Variants in VPS13B observed in about 807,000 individuals in gnomAD.
VPS13B encodes intermembrane lipid transfer protein VPS13B.
VPS13B carries 285 observed loss-of-function variants against 426.4 expected under a neutral mutation model. The observed-to-expected ratio is 0.67, with a 90% confidence interval of 0.61 to 0.74. The LOEUF (loss-of-function observed/expected upper bound fraction) is 0.74, where lower values mean the gene tolerates loss of function less well. Among genes scored for constraint, VPS13B ranks in the 30% least tolerant of loss-of-function variants. VPS13B has a pLI of 0.00. For synonymous variants in VPS13B, 1,676 were observed against 1,676.4 expected, an observed-to-expected ratio of 1.00 and a Z score of 0.01; for missense variants, 4,537 against 4,782.6, an observed-to-expected ratio of 0.95 and a Z score of 1.51.
chr8:99,717,508 C>T, intron 37 of VPS13B, 135 bp downstream of exon 37: 3 of 821,696 alleles, frequency 3.7e-6, no homozygotes, highest in South Asian at 1.5e-5. Flanking sequence ...GTTAAATTTT[C>T]AACAACTTTA....
At chr8:99,334,408 G>A (rs1301925149) in intron 19 of VPS13B, among the ~76,000 whole-genome samples, 1 of 152,090 alleles carries the variant, frequency 6.6e-6, no homozygotes, top group Admixed American at 6.6e-5. Context: ...GGAGTGGTGA[G>A]AGAGGGCATC....
At chr8:99,200,148 C>A (rs1446357073) in intron 17 of VPS13B, among the ~76,000 whole-genome samples, 1 of 152,124 alleles carries the variant, frequency 6.6e-6, no homozygotes, top group Non-Finnish European at 1.5e-5. Context: ...ACATAAAATG[C>A]AGTTCTTTGT....
intron 59 of VPS13B, 53 bp from the exon 60 acceptor site, chr8:99,870,732 A>G (rs967967117): frequency 4.0e-5 from 61 of 1,531,512 alleles, no homozygotes; most frequent in Non-Finnish European, 5.3e-5. Flanking sequence ...TTGCAGCATG[A>G]AACTGTTTTC....
At chr8:99,488,572 C>T (rs1820425653) in intron 25 of VPS13B, among the ~76,000 whole-genome samples, 1 of 152,120 alleles carries the variant, frequency 6.6e-6, no homozygotes, top group Admixed American at 6.6e-5. Flanking sequence ...ATTCTGTCAA[C>T]TTACAGTTGT....
chr8:99,166,824 A>G (rs1170603636), intron 15 of VPS13B, among the ~76,000 whole-genome samples: 2 of 152,244 alleles, frequency 1.3e-5, no homozygotes, highest in African/African-American at 2.4e-5. Context: ...CTACAGAGCT[A>G]TAGTAATCAA....
At chr8:99,442,006 C>T (rs1314152383) in intron 22 of VPS13B, among the ~76,000 whole-genome samples, 2 of 152,068 alleles carry the variant, frequency 1.3e-5, no homozygotes, top group African/African-American at 4.8e-5. Context: ...ACTAAATTCA[C>T]GTAAAAATAG....
At chr8:99,654,054 T>C (rs1265115894) in intron 34 of VPS13B, among the ~76,000 whole-genome samples, 1 of 150,636 alleles carries the variant, frequency 6.6e-6, no homozygotes, top group African/African-American at 2.4e-5. Flanking sequence ...ATTATTATTA[T>C]ATATATTTTT....
chr8:99,598,338 A>G (rs1269188930), intron 33 of VPS13B, among the ~76,000 whole-genome samples: 1 of 152,068 alleles, frequency 6.6e-6, no homozygotes, highest in Non-Finnish European at 1.5e-5. Context: ...TTATTTAGTA[A>G]GGAAATATCT....
chr8:99,737,509 A>G (rs927924261), intron 39 of VPS13B, among the ~76,000 whole-genome samples: 1 of 152,048 alleles, frequency 6.6e-6, no homozygotes, highest in Non-Finnish European at 1.5e-5. Flanking sequence ...TTTTCCATCC[A>G]AATTCTATAT....
chr8:99,742,567 A>C (rs1809802137), intron 39 of VPS13B, among the ~76,000 whole-genome samples: 1 of 152,202 alleles, frequency 6.6e-6, no homozygotes, highest in African/African-American at 2.4e-5. Flanking sequence ...ATTGATGCAA[A>C]AATCCTCAAT....
chr8:99,147,884 G>A lies in VPS13B; in HGVS notation c.1887G>A (p.Val629=), dbSNP rs138291421. ...ENETILNPEE[V]ALLEEYIPTR... ...AAACAATACTGAATCCTGAAGAGGT[G>A]GCTCTTCTGGAGGAATATATTCCTA... Residue 629 remains valine, a synonymous_variant, in exon 14 of 62, where the codon GTG becomes GTA. Coordinates refer to ENST00000357162, the MANE Select transcript of VPS13B (RefSeq NM_152564.5). 3.7e-5 allele frequency: 59 copies of A among 1,607,430 alleles called. No individual in the cohort carries two copies. The highest frequency in any genetic ancestry group is 5.0e-5 in the Non-Finnish European group (59 of 1,177,214).
At chr8:99,493,979 A>G (rs1465257736) in intron 25 of VPS13B, among the ~76,000 whole-genome samples, 1 of 152,048 alleles carries the variant, frequency 6.6e-6, no homozygotes, top group Non-Finnish European at 1.5e-5. Context: ...TTGATAAAAT[A>G]ATACTTAATG....
At chr8:99,675,990 A>G (rs969630282) in intron 35 of VPS13B, among the ~76,000 whole-genome samples, 3 of 151,730 alleles carry the variant, frequency 2.0e-5, no homozygotes, top group Non-Finnish European at 4.4e-5. Context: ...TGGTGATGTC[A>G]TGTTTCTAGT....
At chr8:99,697,624 C>T (rs1017594955) in intron 35 of VPS13B, 21 of 640,796 alleles carry the variant, frequency 3.3e-5, no homozygotes, top group African/African-American at 2.2e-4. Context: ...TATGTGAAAG[C>T]ATCTAAAGCC....
At chr8:99,519,304 A>G (rs2133661951) in intron 29 of VPS13B, among the ~76,000 whole-genome samples, 1 of 152,338 alleles carries the variant, frequency 6.6e-6, no homozygotes, top group Admixed American at 6.5e-5. Flanking sequence ...AGGAAACAAC[A>G]GGTGCTGGAG....
chr8:99,664,321 T>G (rs1240271725), intron 35 of VPS13B, among the ~76,000 whole-genome samples: 2 of 152,014 alleles, frequency 1.3e-5, no homozygotes, highest in Non-Finnish European at 2.9e-5. Context: ...GTACTTTTTT[T>G]TTTTTTTAAT....
intron 36 of VPS13B, among the ~76,000 whole-genome samples, chr8:99,713,827 G>A (rs1276894126): frequency 6.6e-6 from 1 of 152,124 alleles, no homozygotes; most frequent in East Asian, 1.9e-4. Context: ...TGGCCTGAAA[G>A]TAAAGAAGTT....
At chr8:99,524,753 C>G (rs1822559841) in intron 30 of VPS13B, among the ~76,000 whole-genome samples, 1 of 152,074 alleles carries the variant, frequency 6.6e-6, no homozygotes, top group African/African-American at 2.4e-5. Flanking sequence ...TGGTTATACC[C>G]CCACGCTCCA....
intron 19 of VPS13B, among the ~76,000 whole-genome samples, chr8:99,378,945 G>A (rs1337895506): frequency 6.6e-6 from 1 of 151,932 alleles, no homozygotes; most frequent in Non-Finnish European, 1.5e-5. Context: ...CAACCTCTGG[G>A]CCGTGGACCA....
Sources: gnomAD v4.1 joint callset for allele counts (sites outside exome capture counted in the v4.1 genomes callset) on GRCh38, gnomAD v4.1.1 for gene constraint, MANE v1.5 for transcripts, NCBI Gene and HGNC (gene_info 2026-07-23, HGNC 2026-07-21) for gene names.